Variants in FGFR4 observed in about 807,000 individuals in gnomAD.
FGFR4 encodes the protein hydroxyaryl-protein kinase.
A neutral mutation model predicts 89.9 loss-of-function variants in FGFR4; 63 were observed. That is an observed-to-expected ratio of 0.70 (90% CI 0.57 to 0.86). The LOEUF (loss-of-function observed/expected upper bound fraction) is 0.86, where lower values mean the gene tolerates loss of function less well. Among genes scored for constraint, FGFR4 ranks in the 40% least tolerant of loss-of-function variants. FGFR4 has a pLI of 0.00. For missense variants in FGFR4, 928 were observed against 1,106.7 expected (o/e 0.84, Z 2.29); for synonymous variants, 486 against 479.4 (o/e 1.01, Z -0.18).
rs2149734001 is a variant in FGFR4, at chr5:177,092,468, G to A, written c.875G>A (p.Ser292Asn). Residue 292 changes from serine (S) to asparagine (N), a missense_variant, in exon 7 of 18, where the codon AGC becomes AAC. Transcript: ENST00000292408. ...QWLKHIVING[S>N]SFGADGFPYV... Reference sequence around the variant, plus strand: ...CTGAAGCACATCGTCATCAACGGCAGCAGCTTCGGAGCCGACGGTTTCCCC... The same window carrying A: ...CTGAAGCACATCGTCATCAACGGCAACAGCTTCGGAGCCGACGGTTTCCCC... The A allele has an allele frequency of 6.3e-7, 1 of 1,598,774 alleles. No homozygotes were observed. Among genetic ancestry groups the A allele is most frequent in the Non-Finnish European group, 8.5e-7 (1 of 1,172,282 alleles).
In FGFR4 at chr5:177,097,669, A is replaced by AT. The variant is rs776693570; in HGVS notation, c.2402_2403insT (p.Gln801HisfsTer13). 107 of 1,613,824 alleles carry AT rather than the reference A, an allele frequency of 6.6e-5. No homozygotes were observed. Among genetic ancestry groups the AT allele is most frequent in the Admixed American group, 2.0e-4 (12 of 59,998 alleles). On this transcript the variant is annotated frameshift_variant, in exon 18 of 18. Transcript: ENST00000292408. LOFTEE classifies it high-confidence loss of function. Reference sequence around the variant, plus strand: ...TCCTTCCCCTTCGGGTCTGGGGTGCAGACATGAGCAAGGCTCAAGGCTGTG... The same window carrying AT: ...TCCTTCCCCTTCGGGTCTGGGGTGCATGACATGAGCAAGGCTCAAGGCTGTG...
rs1174748760 is a variant in FGFR4, at chr5:177,087,099, C to A, written c.-54+22C>A. 1 of 152,048 alleles carries A rather than the reference C, an allele frequency of 6.6e-6. No individual in the cohort carries two copies. Among genetic ancestry groups the A allele is most frequent in the East Asian group, 1.9e-4 (1 of 5,134 alleles). The allele number at this position is 152,048 out of a possible 1,614,324, so 9.4% of individuals were successfully genotyped here. Reference sequence around the variant, plus strand: ...CGAGGTGAGCCGGAACCCTTGTGGGCCCGGGCTGCGCTCCCAGCCGCCAGG... The same window carrying A: ...CGAGGTGAGCCGGAACCCTTGTGGGACCGGGCTGCGCTCCCAGCCGCCAGG... On this transcript the variant is annotated intron_variant, in intron 1 of 17. Coordinates refer to ENST00000292408, the MANE Select transcript of FGFR4 (RefSeq NM_213647.3). The surrounding 1 kb of genome is among the most constrained non-coding windows in gnomAD (Gnocchi z 6.1).
intron 8 of FGFR4, 134 bp downstream of exon 8, chr5:177,092,918 T>G: frequency 6.8e-7 from 1 of 1,460,564 alleles, no homozygotes; most frequent in Non-Finnish European, 9.4e-7. Flanking sequence ...GATTTGTGGG[T>G]TTGAGCTGTA....
At chr5:177,092,291 T>C (rs1377862578) in intron 6 of FGFR4, 30 bp from the exon 7 acceptor site, 2 of 1,518,388 alleles carry the variant, frequency 1.3e-6, no homozygotes, top group Non-Finnish European at 1.8e-6. Context: ...GTGCCGGTGG[T>C]CAGGGTTGAC....
In FGFR4 at chr5:177,093,080, C is replaced by G; in HGVS notation, c.1058-58C>G. ...AGGGACTGAGTTAGGGTGCACGGGG[C>G]GGCCAGTCTCACCACTGACCAGTTT... is the stretch of plus-strand genomic sequence containing the variant. On this transcript the variant is annotated intron_variant, in intron 8 of 17. Coordinates refer to ENST00000292408, the MANE Select transcript of FGFR4 (RefSeq NM_213647.3). The surrounding 1 kb of genome is among the most constrained non-coding windows in gnomAD (Gnocchi z 5.8). 1 of 1,592,980 alleles carries G rather than the reference C, an allele frequency of 6.3e-7. No individual in the cohort carries two copies.
In FGFR4 at chr5:177,097,363, C is replaced by T. The variant is rs759042869; in HGVS notation, c.2225C>T (p.Ala742Val). Residue 742 changes from alanine (A) to valine (V), a missense_variant, in exon 17 of 18, where the codon GCG (alanine) becomes GTG (valine). Ala to Val is a moderately conservative substitution (Grantham distance 64). Coordinates refer to ENST00000292408, the MANE Select transcript of FGFR4 (RefSeq NM_213647.3). ...CCTACCTTCAAGCAGCTGGTGGAGG[C>T]GCTGGACAAGGTCCTGCTGGCCGTC... ...QRPTFKQLVEALDKVLLAVSE... is the reference protein window; with the variant it reads ...QRPTFKQLVEVLDKVLLAVSE... The T allele has an allele frequency of 4.3e-5, 69 of 1,611,908 alleles. No homozygotes were observed. Among genetic ancestry groups the T allele is most frequent in the Admixed American group, 1.5e-4 (9 of 59,742 alleles).
chr5:177,093,293 A>G lies in FGFR4; in HGVS notation c.1213A>G (p.Thr405Ala), dbSNP rs750129867. 1.0e-4 allele frequency: 69 copies of G among 659,748 alleles called. No individual in the cohort carries two copies. The highest frequency in any genetic ancestry group is 1.5e-4 in the Non-Finnish European group (55 of 373,512). The allele number at this position is 659,748 out of a possible 1,614,324, so 40.9% of individuals were successfully genotyped here. Residue 405 changes from threonine to alanine, a missense_variant, in exon 9 of 18, where the codon ACT becomes GCT. Around this residue, in one of 5 missense-constraint regions of FGFR4, gnomAD observed 741 missense variants for 836.9 expected, o/e 0.89. Transcript: ENST00000292408. The surrounding 1 kb of genome is among the most constrained non-coding windows in gnomAD (Gnocchi z 5.8). The stretch of plus-strand genomic sequence containing the variant: ...CGGCCGGCACCCCCGCCCGCCCGCC[A>G]CTGTGCAGAAGCTCTCCCGCTTCCC... ...LHGRHPRPPA[T>A]VQKLSRFPLA...
At position 177,092,782 on chromosome 5, in the gene FGFR4, C is replaced by T; in HGVS notation, c.1055C>T (p.Pro352Leu). The change falls in exon 8 of 18, where the codon CCA (proline) becomes CTA (leucine). Residue 352 changes from proline (P) to leucine (L), a missense_variant and splice_region_variant. This residue lies in a region of FGFR4 where 741 missense variants were observed against 836.9 expected (regional missense o/e 0.89). Transcript: ENST00000292408. ...CAGTCTGCCTGGCTCACGGTGCTGC[C>T]AGGTGAGCACCTGAAGGGCCAGGAG... ...SYQSAWLTVL[P>L]EEDPTWTAAA... The T allele has an allele frequency of 6.2e-7, 1 of 1,614,230 alleles. No homozygotes were observed. The highest frequency in any genetic ancestry group is 8.5e-7 in the Non-Finnish European group (1 of 1,180,048).
Position 177,098,030 on chromosome 5 carries a change from G to T in FGFR4, c.*354G>T, listed in dbSNP as rs770093185. ...CTCCCCCTGCTGCTGCTGCCCCAGC[G>T]TCTTGACGGGAGCATTGGCCCCTGA... On this transcript the variant is annotated 3_prime_UTR_variant, in exon 18 of 18. Transcript: ENST00000292408. This position sits in a 1 kb window ranked among gnomAD's most constrained non-coding sequence, Gnocchi z 4.5. The T allele has an allele frequency of 1.1e-5, 3 of 275,382 alleles. No individual in the cohort carries two copies. The highest frequency in any genetic ancestry group is 2.0e-5 in the Non-Finnish European group (3 of 146,908). The allele number at this position is 275,382 out of a possible 1,614,324, so 17.1% of individuals were successfully genotyped here. A position where few individuals can be genotyped will look rare whatever the true frequency, so the allele number is the denominator to read the frequency against.
Position 177,093,897 on chromosome 5 carries a change from T to G in FGFR4, c.1519+122T>G. The stretch of plus-strand genomic sequence containing the variant: ...GCCTGGGCAACATGGCAAGACTTCA[T>G]CTCTACAAAAAAAAAATAAGAAAAT... On this transcript the variant is annotated intron_variant, in intron 11 of 17. Transcript: ENST00000292408. The surrounding 1 kb of genome is among the most constrained non-coding windows in gnomAD (Gnocchi z 5.8). 8.7e-7 allele frequency: 1 copy of G among 1,152,152 alleles called. No homozygotes were observed. Among genetic ancestry groups the G allele is most frequent in the Non-Finnish European group, 1.2e-6 (1 of 836,872 alleles). The allele number at this position is 1,152,152 out of a possible 1,614,324, so 71.4% of individuals were successfully genotyped here.
intron 1 of FGFR4, chr5:177,088,506 G>A (rs1379546021): frequency 1.1e-5 from 2 of 188,132 alleles, no homozygotes; most frequent in East Asian, 8.4e-5. Flanking sequence ...AGTGACCAAG[G>A]AGGAGGAGGT....
In FGFR4 at chr5:177,093,921, A is replaced by C; in HGVS notation, c.1519+146A>C. ...ATCTCTACAAAAAAAAAATAAGAAA[A>C]TTAGTTGGGTGTGGTGGTGTGTGCC... On this transcript the variant is annotated intron_variant, in intron 11 of 17. Transcript: ENST00000292408. The surrounding 1 kb of genome is among the most constrained non-coding windows in gnomAD (Gnocchi z 5.8). 7 of 1,001,228 alleles carry C rather than the reference A, an allele frequency of 7.0e-6. No individual in the cohort carries two copies. Among genetic ancestry groups the C allele is most frequent in the East Asian group, 2.7e-5 (1 of 37,202 alleles). The allele number at this position is 1,001,228 out of a possible 1,614,324, so 62.0% of individuals were successfully genotyped here.
Position 177,095,651 on chromosome 5 carries a change from G to C in FGFR4, c.1749G>C (p.Pro583=). The change falls in exon 13 of 18, where the codon CCG becomes CCC. Residue 583 remains proline, a synonymous_variant. Coordinates refer to ENST00000292408, the MANE Select transcript of FGFR4 (RefSeq NM_213647.3). The surrounding 1 kb of genome is among the most constrained non-coding windows in gnomAD (Gnocchi z 5.7). ...SPDGPRSSEG[P]LSFPVLVSCA... The stretch of plus-strand genomic sequence containing the variant: ...ACGGTCCTCGGAGCAGTGAGGGGCC[G>C]CTCTCCTTCCCAGTCCTGGTCTCCT... 1 of 1,607,482 alleles carries C rather than the reference G, an allele frequency of 6.2e-7. No homozygotes were observed. The highest frequency in any genetic ancestry group is 8.5e-7 in the Non-Finnish European group (1 of 1,178,136).
Position 177,089,673 on chromosome 5 carries a change from C to T in FGFR4, c.71C>T (p.Ala24Val), listed in dbSNP as rs759833131. 6 of 1,613,674 alleles carry T rather than the reference C, an allele frequency of 3.7e-6. No homozygotes were observed. The Admixed American group carries it at 8.3e-5, about 22-fold the overall frequency. Reference protein sequence around the residue: ...VPGPPVLSLEASEEVELEPCL... With the variant: ...VPGPPVLSLEVSEEVELEPCL... The stretch of plus-strand genomic sequence containing the variant: ...GGGCCTCCAGTCTTGTCCCTGGAGG[C>T]CTCTGAGGAAGTGGAGCTTGGTATG... Residue 24 changes from alanine to valine, a missense_variant, in exon 2 of 18, where the codon GCC becomes GTC. Physicochemically the swap from Ala to Val is moderately conservative, Grantham distance 64. This residue lies in a region of FGFR4 where 741 missense variants were observed against 836.9 expected (regional missense o/e 0.89). Transcript: ENST00000292408.
intron 1 of FGFR4, among the ~76,000 whole-genome samples, 181 bp from the exon 2 acceptor site, chr5:177,089,369 G>T (rs1288435052): frequency 6.6e-6 from 1 of 152,168 alleles, no homozygotes; most frequent in Non-Finnish European, 1.5e-5. Context: ...AACCTACCGT[G>T]GGGAGGCCTT....
rs749441599 is a variant in FGFR4, at chr5:177,092,678, C to T, written c.951C>T (p.Val317=). 7 of 1,613,428 alleles carry T rather than the reference C, an allele frequency of 4.3e-6. No individual in the cohort carries two copies. The highest frequency in any genetic ancestry group is 1.7e-4 in the Middle Eastern group (1 of 6,060). Residue 317 remains valine, a synonymous_variant, in exon 8 of 18, where the codon GTC becomes GTT. Coordinates refer to ENST00000292408, the MANE Select transcript of FGFR4 (RefSeq NM_213647.3). ...ACATCAATAGCTCAGAGGTGGAGGT[C>T]CTGTACCTGCGGAACGTGTCAGCCG... ...TADINSSEVE[V]LYLRNVSAED... is the part of the protein sequence containing the mutation.
rs1264232155 is a variant in FGFR4 at position 177,087,876 on chromosome 5, G to A, written c.-54+799G>A. ...CCAGTTTTGAAAGCCAATGGCTTCAGCGCTCCTGAAGGGGCAGACGGTGTG... is the reference window on the plus strand; with the variant it reads ...CCAGTTTTGAAAGCCAATGGCTTCAACGCTCCTGAAGGGGCAGACGGTGTG... On this transcript the variant is annotated intron_variant, in intron 1 of 17. Transcript: ENST00000292408. The surrounding 1 kb of genome is among the most constrained non-coding windows in gnomAD (Gnocchi z 6.1). Among the ~76,000 whole-genome samples the A allele has an allele frequency of 6.6e-6, 1 of 152,276 alleles. No homozygotes were observed. The highest frequency in any genetic ancestry group is 1.9e-4 in the East Asian group (1 of 5,176).
intron 17 of FGFR4, 31 bp from the exon 18 acceptor site, chr5:177,097,496 T>C: frequency 6.2e-7 from 1 of 1,605,488 alleles, no homozygotes; most frequent in Middle Eastern, 1.7e-4. Flanking sequence ...TCCCGGGCGC[T>C]GCAGAGGCTG....
At position 177,090,739 on chromosome 5, in the gene FGFR4, A is replaced by T. The variant is rs376400659; in HGVS notation, c.356-6A>T. The T allele has an allele frequency of 6.0e-4, 965 of 1,599,122 alleles. 3 individuals are homozygous for T. The Middle Eastern group carries it at 0.018, about 29-fold the overall frequency. On this transcript the variant is annotated splice_polypyrimidine_tract_variant and splice_region_variant and intron_variant, in intron 3 of 17. Coordinates refer to ENST00000292408, the MANE Select transcript of FGFR4 (RefSeq NM_213647.3). The stretch of plus-strand genomic sequence containing the variant: ...CCTTAGATGCTTCCCTCTGTCCCTG[A>T]TGTAGACTCCTTGACCTCCAGCAAC...
Sources: allele counts gnomAD v4.1 joint callset (sites outside exome capture counted in the v4.1 genomes callset), GRCh38; gene constraint gnomAD v4.1.1; regional missense constraint gnomAD v4.1.1; non-coding constraint Gnocchi (gnomAD v3.1); transcripts MANE v1.5; gene names NCBI Gene and HGNC (gene_info 2026-07-23, HGNC 2026-07-21).